Variants in ADGRL3 observed in about 807,000 individuals in gnomAD.
The protein encoded by ADGRL3 is calcium-independent alpha-latrotoxin receptor 3.
In ADGRL3, 62 loss-of-function variants were observed where a neutral mutation model predicts 153.5. That is an observed-to-expected ratio of 0.40 (90% CI 0.33 to 0.50). The LOEUF (loss-of-function observed/expected upper bound fraction) is 0.50. Ranked by LOEUF, ADGRL3 falls within the 20% of genes least tolerant of loss-of-function variation. The probability of loss-of-function intolerance (pLI) is 0.47; values close to 1 mark genes in which losing one functional copy is unlikely to be tolerated. For missense variants in ADGRL3, 1,641 were observed against 1,859.4 expected, an observed-to-expected ratio of 0.88 and a Z score of 2.16; for synonymous variants, 710 against 672.5, an observed-to-expected ratio of 1.06 and a Z score of -0.86.
chr4:61,657,325 T>C (rs1232125507), intron 5 of ADGRL3, among the ~76,000 whole-genome samples: 1 of 152,106 alleles, frequency 6.6e-6, no homozygotes, highest in Non-Finnish European at 1.5e-5. Flanking sequence ...TGCAGCACAC[T>C]CAAACTTCAT....
chr4:61,249,113 A>C (rs1405787531), intron 1 of ADGRL3, among the ~76,000 whole-genome samples: 1 of 152,184 alleles, frequency 6.6e-6, no homozygotes. Context: ...AAATTCATGC[A>C]TTCAGTCTGG....
intron 2 of ADGRL3, among the ~76,000 whole-genome samples, chr4:61,473,539 A>G (rs571244926): frequency 6.6e-6 from 1 of 152,152 alleles, no homozygotes; most frequent in South Asian, 2.1e-4. Flanking sequence ...AGTTTCTAAA[A>G]GTTATTGTGG....
chr4:61,339,405 T>C (rs1469124472), intron 1 of ADGRL3, among the ~76,000 whole-genome samples: 3 of 152,184 alleles, frequency 2.0e-5, no homozygotes. Context: ...ATCTTAGACA[T>C]TTTAAGTAAA....
chr4:61,295,263 G>A (rs2094368830), intron 1 of ADGRL3, among the ~76,000 whole-genome samples: 1 of 152,156 alleles, frequency 6.6e-6, no homozygotes, highest in South Asian at 2.1e-4. Flanking sequence ...TGGCCCCAAA[G>A]TACAAGAATA....
rs971212511 is a variant in ADGRL3, at chr4:61,200,888, TCGGGGTTCGCCGGCCCC to T, written c.-1112_-1096del. ...CGAGCTAATCATCCACCCCACGGGCTCGGGGTTCGCCGGCCCCCGGGACGCAGCCCTCGGCGGCCGGG... is the reference window on the plus strand; with the variant it reads ...CGAGCTAATCATCCACCCCACGGGCTCGGGACGCAGCCCTCGGCGGCCGGG... On this transcript the variant is annotated 5_prime_UTR_variant, in exon 1 of 27. An upstream open reading frame in the 5' UTR gains an earlier in-frame stop. Coordinates refer to ENST00000683033, the MANE Select transcript of ADGRL3 (RefSeq NM_001387552.1). Among the ~76,000 whole-genome samples, 1 of 151,604 alleles carries T rather than the reference TCGGGGTTCGCCGGCCCC, an allele frequency of 6.6e-6. No individual in the cohort carries two copies. The highest frequency in any genetic ancestry group is 2.4e-5 in the African/African-American group (1 of 41,280).
At chr4:61,768,636 A>G (rs2097037043) in intron 8 of ADGRL3, among the ~76,000 whole-genome samples, 1 of 152,120 alleles carries the variant, frequency 6.6e-6, no homozygotes, top group Admixed American at 6.5e-5. Context: ...GTCAAGCGGC[A>G]TTGCAGAAGA....
In ADGRL3 at chr4:62,070,435, G is replaced by A. The variant is rs1033359077; in HGVS notation, c.4159G>A (p.Glu1387Lys). The A allele has an allele frequency of 1.0e-5, 16 of 1,551,538 alleles. No homozygotes were observed. Among genetic ancestry groups the A allele is most frequent in the African/African-American group, 8.2e-5 (6 of 72,832 alleles). The part of the protein sequence containing the change: ...VLDDATSFNH[E>K]ESLGLELIHE... ...GGATGATGCCACCTCGTTTAACCAC[G>A]AGGAGAGTTTGGGCCTGGAACTCAT... is the stretch of plus-strand genomic sequence containing the variant. Residue 1387 changes from glutamate (E) to lysine (K), a missense_variant, in exon 27 of 27, where the codon GAG (glutamate) becomes AAG (lysine). By Grantham distance (56) the Glu-to-Lys change is moderately conservative. Coordinates refer to ENST00000683033, the MANE Select transcript of ADGRL3 (RefSeq NM_001387552.1).
intron 1 of ADGRL3, among the ~76,000 whole-genome samples, chr4:61,336,159 T>C (rs1469426890): frequency 2.0e-5 from 3 of 152,182 alleles, no homozygotes; most frequent in East Asian, 1.9e-4. Flanking sequence ...TTAAAAATAC[T>C]GTAAATTATA....
intron 1 of ADGRL3, among the ~76,000 whole-genome samples, chr4:61,317,556 AG>A (rs1298127428): frequency 6.6e-6 from 1 of 152,188 alleles, no homozygotes; most frequent in East Asian, 1.9e-4. Context: ...TTCTTGTGTA[AG>A]GCCTATAATA....
intron 1 of ADGRL3, among the ~76,000 whole-genome samples, chr4:61,259,255 C>G (rs986809207): frequency 3.3e-5 from 5 of 151,978 alleles, no homozygotes; most frequent in East Asian, 1.9e-4. Flanking sequence ...AACCCCGTCT[C>G]TACTAAAAAT....
chr4:61,964,409 A>C (rs1053314715), intron 17 of ADGRL3, among the ~76,000 whole-genome samples: 2 of 152,212 alleles, frequency 1.3e-5, no homozygotes, highest in Admixed American at 6.5e-5. Context: ...TTGAGATTCT[A>C]ATAAAAATAA....
chr4:61,862,955 C>G (rs1397565834), intron 9 of ADGRL3, among the ~76,000 whole-genome samples: 1 of 152,116 alleles, frequency 6.6e-6, no homozygotes, highest in African/African-American at 2.4e-5. Context: ...TTCCTAAGTC[C>G]TGTCACCACA....
intron 2 of ADGRL3, among the ~76,000 whole-genome samples, chr4:61,486,045 G>C (rs916592072): frequency 6.6e-6 from 1 of 151,960 alleles, no homozygotes; most frequent in African/African-American, 2.4e-5. Flanking sequence ...CCAGGTTCAC[G>C]CCATTCTCCT....
chr4:61,503,760 A>C (rs995383670), intron 3 of ADGRL3, among the ~76,000 whole-genome samples: 5 of 152,120 alleles, frequency 3.3e-5, no homozygotes, highest in African/African-American at 1.2e-4. Flanking sequence ...TGAATACATA[A>C]TATTTGTACA....
intron 3 of ADGRL3, 85 bp from the exon 4 acceptor site, chr4:61,517,230 C>T (rs2098501912): frequency 1.5e-6 from 1 of 666,884 alleles, no homozygotes; most frequent in Admixed American, 2.1e-5. Context: ...CAGAGAGCAG[C>T]CTTGGGAATA....
chr4:61,333,592 A>AT (rs1003612520), intron 1 of ADGRL3, among the ~76,000 whole-genome samples: 14 of 150,682 alleles, frequency 9.3e-5, no homozygotes, highest in East Asian at 3.9e-4. Flanking sequence ...CACTTTTTGT[A>AT]TTTTTTTTTC....
At chr4:61,455,934 G>A (rs998442763) in intron 2 of ADGRL3, among the ~76,000 whole-genome samples, 1 of 151,882 alleles carries the variant, frequency 6.6e-6, no homozygotes, top group African/African-American at 2.4e-5. Context: ...TCCCACCTCA[G>A]CCTCCCAAGT....
At chr4:61,675,050 A>G (rs1220897133) in intron 5 of ADGRL3, among the ~76,000 whole-genome samples, 1 of 151,900 alleles carries the variant, frequency 6.6e-6, no homozygotes, top group East Asian at 1.9e-4. Context: ...GCTTTTATTC[A>G]CCTTTCACTG....
At chr4:61,249,496 G>T (rs987334184) in intron 1 of ADGRL3, among the ~76,000 whole-genome samples, 2 of 152,076 alleles carry the variant, frequency 1.3e-5, no homozygotes, top group African/African-American at 4.8e-5. Context: ...TCACATTAAA[G>T]ATGGCTTCTG....
Sources: allele counts gnomAD v4.1 joint callset (sites outside exome capture counted in the v4.1 genomes callset), GRCh38; gene constraint gnomAD v4.1.1; transcripts MANE v1.5; gene names NCBI Gene and HGNC (gene_info 2026-07-23, HGNC 2026-07-21).